The following LANCL2 variants were observed in gnomAD, a reference collection of about 807,000 sequenced individuals.
LANCL2 encodes the protein LanC like glutathione S-transferase 2, also known as lanC-like protein 2.
A neutral mutation model predicts 56.9 loss-of-function variants in LANCL2; 33 were observed. The ratio of observed to expected loss-of-function variants is 0.58; its 90% CI spans 0.44 to 0.78. The LOEUF is 0.78. Ranked by LOEUF, LANCL2 falls within the 30% of genes least tolerant of loss-of-function variation. The pLI is 0.00. For synonymous variants in LANCL2, 233 were observed against 228.2 expected (o/e 1.02, Z -0.19); for missense variants, 562 against 580.2 (o/e 0.97, Z 0.32).
chr7:55,426,039 G>T (rs577666507), intron 7 of LANCL2, among the ~76,000 whole-genome samples: 2 of 152,154 alleles, frequency 1.3e-5, no homozygotes. Flanking sequence ...TGGACCTGTC[G>T]TTAACTGTTC....
chr7:55,419,807 G>T (rs1277299721), intron 6 of LANCL2, among the ~76,000 whole-genome samples: 1 of 152,156 alleles, frequency 6.6e-6, no homozygotes, highest in Non-Finnish European at 1.5e-5. Context: ...AACATAAATT[G>T]TAGCTTTATC....
chr7:55,392,911 C>G (rs1264706875), intron 2 of LANCL2, among the ~76,000 whole-genome samples: 2 of 152,114 alleles, frequency 1.3e-5, no homozygotes, highest in Admixed American at 1.3e-4. Context: ...AGTGGTCTCT[C>G]TGTTCTGTGA....
chr7:55,386,375 C>T (rs1790125884), intron 1 of LANCL2, among the ~76,000 whole-genome samples: 1 of 152,232 alleles, frequency 6.6e-6, no homozygotes, highest in African/African-American at 2.4e-5. Flanking sequence ...TAAATCTTCA[C>T]AATCCACATT....
chr7:55,398,413 A>G lies in LANCL2; in HGVS notation c.323-10A>G. ...TAATGCTTTTCTTTTGGGGTGGGAA[A>G]TTATTCCAGGCATAGCCCTTTTGTA... On this transcript the variant is annotated splice_polypyrimidine_tract_variant and intron_variant, in intron 2 of 8. Transcript: ENST00000254770. 1 of 1,607,680 alleles carries G rather than the reference A, an allele frequency of 6.2e-7. No individual in the cohort carries two copies. The highest frequency in any genetic ancestry group is 8.5e-7 in the Non-Finnish European group (1 of 1,174,158).
chr7:55,382,164 C>G (rs1023976306), intron 1 of LANCL2, among the ~76,000 whole-genome samples: 6 of 152,248 alleles, frequency 3.9e-5, no homozygotes, highest in Non-Finnish European at 8.8e-5. Flanking sequence ...TGGGTCCAAT[C>G]CTGAAAAGAA....
chr7:55,415,208 G>A (rs181810051), intron 6 of LANCL2, among the ~76,000 whole-genome samples: 1 of 152,244 alleles, frequency 6.6e-6, no homozygotes, highest in Admixed American at 6.5e-5. Context: ...TTTGTTAAAT[G>A]AGATTGTATT....
intron 2 of LANCL2, among the ~76,000 whole-genome samples, chr7:55,397,385 C>T (rs111816186): frequency 2.7e-5 from 4 of 149,086 alleles, no homozygotes; most frequent in Admixed American, 1.3e-4. Flanking sequence ...CACTTGAACC[C>T]GGGAGGCAGA....
intron 1 of LANCL2, among the ~76,000 whole-genome samples, chr7:55,384,251 G>T (rs1790100201): frequency 6.6e-6 from 1 of 152,170 alleles, no homozygotes; most frequent in Non-Finnish European, 1.5e-5. Flanking sequence ...TTGAATGAAA[G>T]ATAGAAATTT....
chr7:55,400,545 A>G (rs1790309855), intron 4 of LANCL2, among the ~76,000 whole-genome samples: 1 of 152,060 alleles, frequency 6.6e-6, no homozygotes, highest in Non-Finnish European at 1.5e-5. Context: ...CTTGTTAGGG[A>G]CTCAGTCTCC....
intron 1 of LANCL2, among the ~76,000 whole-genome samples, chr7:55,387,956 A>G (rs931624590): frequency 3.3e-5 from 5 of 152,210 alleles, no homozygotes; most frequent in Non-Finnish European, 5.9e-5. Flanking sequence ...TAGTTGCACC[A>G]TAAATAATGA....
intron 1 of LANCL2, among the ~76,000 whole-genome samples, chr7:55,371,646 A>G (rs1165055871): frequency 6.6e-6 from 1 of 152,154 alleles, no homozygotes; most frequent in African/African-American, 2.4e-5. Flanking sequence ...GTTCTCTTGT[A>G]GGAGTTTTAT....
At chr7:55,392,439 C>T (rs1790202741) in intron 2 of LANCL2, among the ~76,000 whole-genome samples, 1 of 151,642 alleles carries the variant, frequency 6.6e-6, no homozygotes, top group African/African-American at 2.4e-5. Context: ...CAGCCTTGAC[C>T]TCCTGGGCTC....
intron 1 of LANCL2, among the ~76,000 whole-genome samples, chr7:55,390,404 A>C (rs1790173240): frequency 6.6e-6 from 1 of 152,158 alleles, no homozygotes; most frequent in Admixed American, 6.5e-5. Context: ...TCAGGTGTTC[A>C]AGACCAGCCT....
At chr7:55,381,389 A>T (rs1053632442) in intron 1 of LANCL2, among the ~76,000 whole-genome samples, 8 of 152,168 alleles carry the variant, frequency 5.3e-5, no homozygotes, top group African/African-American at 1.7e-4. Context: ...CAGAGGAGGG[A>T]TCCAAAAATC....
intron 5 of LANCL2, among the ~76,000 whole-genome samples, chr7:55,404,247 CCTT>C (rs768907877): frequency 1.4e-4 from 21 of 152,166 alleles, no homozygotes; most frequent in Non-Finnish European, 2.8e-4. Context: ...GCCTCCTCCT[CCTT>C]CTTCTCCTCC....
chr7:55,425,608 G>A (rs815974), intron 7 of LANCL2, among the ~76,000 whole-genome samples, 178 bp downstream of exon 7: 110,064 of 152,074 alleles, frequency 0.72, 40,360 homozygotes, highest in African/African-American at 0.83. Context: ...GTCCCTGTCT[G>A]TAGAATGGAG....
chr7:55,391,952 A>C, intron 2 of LANCL2, 42 bp downstream of exon 2: 1 of 1,094,714 alleles, frequency 9.1e-7, no homozygotes, highest in African/African-American at 1.6e-5. Context: ...TTTTATTCTT[A>C]GATTATGAGA....
At chr7:55,412,226 T>A in intron 6 of LANCL2, 137 bp downstream of exon 6, 1 of 772,358 alleles carries the variant, frequency 1.3e-6, no homozygotes, top group Non-Finnish European at 2.0e-6. Context: ...CAAAATAAAG[T>A]CTCTGTATTT....
intron 5 of LANCL2, among the ~76,000 whole-genome samples, chr7:55,410,715 C>T (rs1378053292): frequency 6.6e-6 from 1 of 152,210 alleles, no homozygotes; most frequent in African/African-American, 2.4e-5. Flanking sequence ...GTGGTGTTAA[C>T]ATGTCACCCT....
Sources: gnomAD v4.1 joint callset for allele counts (sites outside exome capture counted in the v4.1 genomes callset) on GRCh38, gnomAD v4.1.1 for gene constraint, MANE v1.5 for transcripts, NCBI Gene and HGNC (gene_info 2026-07-23, HGNC 2026-07-21) for gene names.